Variants in RPS6KC1 observed in about 807,000 individuals in gnomAD.
RPS6KC1 encodes ribosomal protein S6 kinase C1.
RPS6KC1 carries 54 observed loss-of-function variants against 103.8 expected under a neutral mutation model. The observed-to-expected ratio is 0.52, with a 90% confidence interval of 0.42 to 0.65. The LOEUF is 0.65. Among genes scored for constraint, RPS6KC1 ranks in the 30% least tolerant of loss-of-function variants. The pLI, the probability that RPS6KC1 is intolerant of heterozygous loss-of-function variation, is 0.00. For synonymous variants in RPS6KC1, 439 were observed against 438.7 expected (o/e 1.00, Z -0.01); for missense variants, 1,151 against 1,253.8 (o/e 0.92, Z 1.24).
At chr1:213,588,875 G>A in the RPS6KC1 span, among the ~76,000 whole-genome samples, 9 of 152,318 alleles carry the variant, frequency 5.9e-5, no homozygotes, top group East Asian at 5.8e-4. Flanking sequence ...AATGACACAC[G>A]TGAACCTTGT....
At chr1:213,302,717 A>T in the RPS6KC1 span, among the ~76,000 whole-genome samples, 1 of 152,278 alleles carries the variant, frequency 6.6e-6, no homozygotes, top group African/African-American at 2.4e-5. Flanking sequence ...TATCTGTCCT[A>T]GTGGCTTCAG....
At chr1:213,698,904 T>A in the RPS6KC1 span, among the ~76,000 whole-genome samples, 4 of 152,098 alleles carry the variant, frequency 2.6e-5, no homozygotes, top group Admixed American at 2.6e-4. Context: ...CCAGTCTAGA[T>A]AATTTTTTTT....
At chr1:213,750,740 A>G in the RPS6KC1 span, among the ~76,000 whole-genome samples, 1 of 152,284 alleles carries the variant, frequency 6.6e-6, no homozygotes, top group African/African-American at 2.4e-5. Flanking sequence ...AGTGAGTAGG[A>G]CTGAGAGGGC....
the RPS6KC1 span, among the ~76,000 whole-genome samples, chr1:213,674,912 G>A: frequency 1.3e-5 from 2 of 152,246 alleles, no homozygotes; most frequent in South Asian, 4.2e-4. Context: ...ATCTTTTCAT[G>A]TTTGTTAGCC....
chr1:213,398,453 T>C, the RPS6KC1 span, among the ~76,000 whole-genome samples: 1 of 152,078 alleles, frequency 6.6e-6, no homozygotes, highest in African/African-American at 2.4e-5. Context: ...GCACCACCTA[T>C]CTATCTCATG....
the RPS6KC1 span, among the ~76,000 whole-genome samples, chr1:213,846,235 G>C: frequency 6.6e-6 from 1 of 151,442 alleles, no homozygotes; most frequent in Non-Finnish European, 1.5e-5. Context: ...GGGAGGCGGA[G>C]GTCGCAGTGA....
the RPS6KC1 span, among the ~76,000 whole-genome samples, chr1:213,858,433 C>T: frequency 2.0e-5 from 3 of 152,052 alleles, no homozygotes; most frequent in South Asian, 4.2e-4. Flanking sequence ...GTTGGGGGGG[C>T]GGTGGTTCTG....
the RPS6KC1 span, among the ~76,000 whole-genome samples, chr1:213,355,135 T>G: frequency 6.6e-6 from 1 of 152,014 alleles, no homozygotes; most frequent in Non-Finnish European, 1.5e-5. Context: ...GGAGAATCAC[T>G]TGAACCCAGG....
At chr1:213,112,571 A>G (rs1280943106) in intron 4 of RPS6KC1, among the ~76,000 whole-genome samples, 1 of 150,148 alleles carries the variant, frequency 6.7e-6, no homozygotes, top group Non-Finnish European at 1.5e-5. Context: ...TTATTTATTT[A>G]TTATTATTAT....
chr1:213,101,979 G>A (rs1227964521), intron 3 of RPS6KC1, among the ~76,000 whole-genome samples: 2 of 152,062 alleles, frequency 1.3e-5, no homozygotes, highest in African/African-American at 2.4e-5. Context: ...TTGCAGATTT[G>A]TTTCTAGATA....
chr1:213,773,235 T>TCTTCCCTGTTGCAGCCAAA, the RPS6KC1 span, among the ~76,000 whole-genome samples: 85,617 of 151,000 alleles, frequency 0.57, 26,228 homozygotes, highest in East Asian at 0.91. Context: ...TCAAGGGGAA[T>TCTTCCCTGTTGCAGCCAAA]CTTCCCTGTT....
At chr1:213,145,827 G>T (rs780950004) in intron 6 of RPS6KC1, among the ~76,000 whole-genome samples, 38 of 151,778 alleles carry the variant, frequency 2.5e-4, no homozygotes, top group Non-Finnish European at 4.6e-4. Flanking sequence ...GGAGAATGGG[G>T]TATCCATCCC....
chr1:213,183,339 T>C (rs2092375274), intron 8 of RPS6KC1, among the ~76,000 whole-genome samples: 2 of 152,110 alleles, frequency 1.3e-5, no homozygotes, highest in Admixed American at 1.3e-4. Flanking sequence ...TAGAACACTC[T>C]ACCTAAGAAC....
chr1:213,384,578 G>C, the RPS6KC1 span, among the ~76,000 whole-genome samples: 1 of 152,114 alleles, frequency 6.6e-6, no homozygotes, highest in African/African-American at 2.4e-5. Context: ...GGTGTCGAGG[G>C]CAGGAGGGGA....
the RPS6KC1 span, among the ~76,000 whole-genome samples, chr1:213,676,436 A>G: frequency 6.6e-6 from 1 of 152,238 alleles, no homozygotes; most frequent in African/African-American, 2.4e-5. Context: ...TGGAGAAAAA[A>G]GAAAGAAACT....
At chr1:213,501,190 C>T in the RPS6KC1 span, among the ~76,000 whole-genome samples, 2 of 152,046 alleles carry the variant, frequency 1.3e-5, no homozygotes, top group Admixed American at 6.5e-5. Flanking sequence ...TAGGTTTGCT[C>T]TCCAAGATAT....
At chr1:213,057,476 A>T (rs574938628) in intron 1 of RPS6KC1, among the ~76,000 whole-genome samples, 25 of 151,758 alleles carry the variant, frequency 1.6e-4, no homozygotes, top group Admixed American at 3.3e-4. Context: ...TCCTAAAAAA[A>T]CTCCACCCTT....
chr1:213,105,586 C>A (rs2082413089), intron 4 of RPS6KC1, among the ~76,000 whole-genome samples: 1 of 151,930 alleles, frequency 6.6e-6, no homozygotes, highest in Non-Finnish European at 1.5e-5. Context: ...GAAGAAAGTT[C>A]TTTTGAAAGA....
At chr1:213,095,062 C>G (rs920332575) in intron 3 of RPS6KC1, among the ~76,000 whole-genome samples, 2 of 152,184 alleles carry the variant, frequency 1.3e-5, no homozygotes, top group African/African-American at 4.8e-5. Flanking sequence ...ACCCCACTTC[C>G]TTGAACCCTT....
Sources: gnomAD v4.1 joint callset for allele counts (sites outside exome capture counted in the v4.1 genomes callset) on GRCh38, gnomAD v4.1.1 for gene constraint, MANE v1.5 for transcripts, NCBI Gene and HGNC (gene_info 2026-07-23, HGNC 2026-07-21) for gene names.